Variants in EIF3H observed in about 807,000 individuals in gnomAD.
EIF3H encodes eIF-3-gamma.
Under a neutral mutation model 44.2 loss-of-function variants are expected in EIF3H, and 26 were observed. The ratio of observed to expected loss-of-function variants is 0.59; its 90% CI spans 0.43 to 0.82. The LOEUF is 0.82. Ranked by LOEUF, EIF3H falls within the 40% of genes least tolerant of loss-of-function variation. The probability of loss-of-function intolerance (pLI) is 0.00; values close to 1 mark genes in which losing one functional copy is unlikely to be tolerated. For synonymous variants in EIF3H, 166 were observed against 151.9 expected, an observed-to-expected ratio of 1.09 and a Z score of -0.68; for missense variants, 359 against 432.8, an observed-to-expected ratio of 0.83 and a Z score of 1.51.
At chr8:116,765,337 A>C (rs1815560291) in intron 1 of EIF3H, among the ~76,000 whole-genome samples, 1 of 152,242 alleles carries the variant, frequency 6.6e-6, no homozygotes, top group African/African-American at 2.4e-5. Flanking sequence ...ATCTTATTCC[A>C]ATTTCATAAA....
intron 2 of EIF3H, among the ~76,000 whole-genome samples, chr8:116,684,384 C>A (rs1192072780): frequency 6.6e-6 from 1 of 152,152 alleles, no homozygotes; most frequent in Non-Finnish European, 1.5e-5. Flanking sequence ...TGGATCCCCC[C>A]TAAAGTGAAG....
chr8:116,743,587 T>C (rs1047986094), intron 1 of EIF3H, among the ~76,000 whole-genome samples: 12 of 151,206 alleles, frequency 7.9e-5, no homozygotes, highest in African/African-American at 2.9e-4. Context: ...CTACTAAAAA[T>C]ACAAAACAAA....
At chr8:116,689,081 G>C (rs537703363) in intron 2 of EIF3H, 1 of 446,038 alleles carries the variant, frequency 2.2e-6, no homozygotes, top group South Asian at 1.6e-5. Context: ...ACATTTAATG[G>C]AATACTACTC....
intron 2 of EIF3H, among the ~76,000 whole-genome samples, chr8:116,684,629 T>C (rs973946620): frequency 3.3e-5 from 5 of 152,108 alleles, no homozygotes; most frequent in African/African-American, 1.2e-4. Flanking sequence ...AACACAGAAA[T>C]CTGGAATATC....
chr8:116,742,764 T>C (rs568892308), intron 1 of EIF3H, among the ~76,000 whole-genome samples: 27 of 152,312 alleles, frequency 1.8e-4, no homozygotes, highest in African/African-American at 5.3e-4. Flanking sequence ...GCAACTATGA[T>C]TGCCTCTGGG....
chr8:116,737,949 C>A (rs1385459311), intron 1 of EIF3H, among the ~76,000 whole-genome samples: 1 of 150,434 alleles, frequency 6.6e-6, no homozygotes, highest in South Asian at 2.1e-4. Flanking sequence ...GCAGGAGAAT[C>A]GCTTGAACCC....
chr8:116,716,291 A>G (rs1393200756), intron 2 of EIF3H, among the ~76,000 whole-genome samples: 2 of 152,090 alleles, frequency 1.3e-5, no homozygotes, highest in East Asian at 3.8e-4. Context: ...TTGGCCTCAT[A>G]CCATTATCTT....
chr8:116,708,138 G>C (rs539164196), intron 2 of EIF3H, among the ~76,000 whole-genome samples: 1 of 151,908 alleles, frequency 6.6e-6, no homozygotes, highest in African/African-American at 2.4e-5. Context: ...CCAAAAAGAC[G>C]GTAACATTCT....
At chr8:116,744,934 T>C (rs577835933) in intron 1 of EIF3H, among the ~76,000 whole-genome samples, 1 of 152,200 alleles carries the variant, frequency 6.6e-6, no homozygotes, top group African/African-American at 2.4e-5. Flanking sequence ...CTCCAAGGTA[T>C]GGGCTAGGAC....
chr8:116,668,256 C>T (rs1322555422), intron 2 of EIF3H, among the ~76,000 whole-genome samples: 2 of 152,162 alleles, frequency 1.3e-5, no homozygotes, highest in Admixed American at 6.5e-5. Flanking sequence ...AACTATAAAA[C>T]ATCTATAAAT....
At chr8:116,740,463 T>G (rs1815110599) in intron 1 of EIF3H, among the ~76,000 whole-genome samples, 1 of 152,140 alleles carries the variant, frequency 6.6e-6, no homozygotes, top group African/African-American at 2.4e-5. Flanking sequence ...TAGCTCTAAT[T>G]CTATTCTGAA....
chr8:116,693,015 G>A (rs577440924), intron 2 of EIF3H, among the ~76,000 whole-genome samples: 34 of 152,194 alleles, frequency 2.2e-4, no homozygotes, highest in African/African-American at 8.2e-4. Context: ...AACTTACTTT[G>A]TAGAGAAGAT....
At chr8:116,669,012 G>A (rs902257149) in intron 2 of EIF3H, among the ~76,000 whole-genome samples, 1 of 152,050 alleles carries the variant, frequency 6.6e-6, no homozygotes, top group Non-Finnish European at 1.5e-5. Context: ...TGGCGACGGG[G>A]GAAATCAGGA....
chr8:116,742,063 G>T (rs1013394670), intron 1 of EIF3H, among the ~76,000 whole-genome samples: 1 of 147,700 alleles, frequency 6.8e-6, no homozygotes, highest in Non-Finnish European at 1.5e-5. Flanking sequence ...TGATGTGAAA[G>T]AAATTTAAGT....
At chr8:116,710,070 T>C (rs1586469243) in intron 2 of EIF3H, among the ~76,000 whole-genome samples, 1 of 152,198 alleles carries the variant, frequency 6.6e-6, no homozygotes, top group East Asian at 1.9e-4. Flanking sequence ...CCATTTCCTT[T>C]CCATGCTCTT....
intron 4 of EIF3H, 115 bp from the exon 5 acceptor site, chr8:116,656,120 A>C (rs1586434583): frequency 1.5e-5 from 13 of 871,108 alleles, no homozygotes; most frequent in South Asian, 6.0e-5. Flanking sequence ...TTTCATTAGC[A>C]CTCTTAAAAA....
At chr8:116,646,372 A>G in intron 7 of EIF3H, 99 bp downstream of exon 7, 1 of 1,545,180 alleles carries the variant, frequency 6.5e-7, no homozygotes, top group Non-Finnish European at 8.9e-7. Context: ...CAAACATACT[A>G]GCTTTTACGG....
chr8:116,707,656 T>A (rs1296406973), intron 2 of EIF3H, among the ~76,000 whole-genome samples: 1 of 152,188 alleles, frequency 6.6e-6, no homozygotes, highest in Non-Finnish European at 1.5e-5. Context: ...AGTGTTCATC[T>A]TTTCATTCTC....
intron 1 of EIF3H, among the ~76,000 whole-genome samples, chr8:116,740,354 G>A (rs1301203111): frequency 6.6e-6 from 1 of 152,184 alleles, no homozygotes; most frequent in Non-Finnish European, 1.5e-5. Flanking sequence ...GGCAGTAGTT[G>A]AGAAGAGCAA....
Sources: gnomAD v4.1 joint callset for allele counts (sites outside exome capture counted in the v4.1 genomes callset) on GRCh38, gnomAD v4.1.1 for gene constraint, MANE v1.5 for transcripts, NCBI Gene and HGNC (gene_info 2026-07-23, HGNC 2026-07-21) for gene names.